ZNF780A: variants seen among roughly 807,000 people sequenced by gnomAD.
ZNF780A encodes zinc finger protein 780A.
ZNF780A carries 40 observed loss-of-function variants against 56.7 expected under a neutral mutation model. That is an observed-to-expected ratio of 0.71 (90% CI 0.55 to 0.92). ZNF780A has a LOEUF of 0.92. Ranked by LOEUF, ZNF780A falls within the 40% of genes least tolerant of loss-of-function variation. ZNF780A has a pLI of 0.00. For missense variants in ZNF780A, 672 were observed against 783.3 expected, an observed-to-expected ratio of 0.86 and a Z score of 1.70; for synonymous variants, 231 against 248.3, an observed-to-expected ratio of 0.93 and a Z score of 0.66.
rs1309727602 is a variant in ZNF780A, at chr19:40,088,194, CAGA to C, written c.-46+1969_-46+1971del. 2.6e-5 allele frequency among the ~76,000 whole-genome samples: 4 copies of C among 151,760 alleles called. No individual in the cohort carries two copies. The East Asian group carries it at 7.7e-4, about 29-fold the overall frequency. On this transcript the variant is annotated intron_variant, in intron 2 of 5. Transcript: ENST00000683561. Reference sequence around the variant, plus strand: ...TATGTCAAGCTAAAAAGCTTCTGCACAGAAAAGGAAACAATCAACAAAGTGAAG... The same window carrying C: ...TATGTCAAGCTAAAAAGCTTCTGCACAAAGGAAACAATCAACAAAGTGAAG...
At chr19:40,069,450 C>T (rs1973745867), downstream of ZNF780A, 1 of 152,168 alleles carries the variant, frequency 6.6e-6, no homozygotes, top group South Asian at 2.1e-4. Flanking sequence ...GACCCAAACA[C>T]CTTCCATTAG....
Position 40,073,648 on chromosome 19 carries a change from T to C in ZNF780A, c.*868A>G, listed in dbSNP as rs1490475984. On this transcript the variant is annotated 3_prime_UTR_variant, in exon 6 of 6. Transcript: ENST00000683561. ...TCTCCGAACTCTAAGGTATTTAGTG[T>C]GGCTATAAAACGCCCCACATTCCTT... 1.0e-5 allele frequency: 10 copies of C among 985,968 alleles called. No homozygotes were observed. The highest frequency in any genetic ancestry group is 1.2e-5 in the Non-Finnish European group (10 of 830,456). 61.1% of individuals were successfully genotyped at this position (985,968 alleles called of 1,614,324 possible).
rs771396997 is a variant in ZNF780A at position 40,075,959 on chromosome 19, T to C, written c.483A>G (p.Thr161=). 1 of 1,613,628 alleles carries C rather than the reference T, an allele frequency of 6.2e-7. No homozygotes were observed. ...HTPHASLICN[T]HKPYECKECG... ...ATTCCTTACATTCATACGGTTTATG[T>C]GTATTGCAAATAAGAGAAGCATGAG... Residue 161 remains threonine, a synonymous_variant, in exon 6 of 6, where the codon ACA becomes ACG. Transcript: ENST00000683561.
rs1974057530 is a variant in ZNF780A, at chr19:40,075,395, A to C, written c.1047T>G (p.Val349=). The C allele has an allele frequency of 5.0e-6, 8 of 1,614,156 alleles. No individual in the cohort carries two copies. In the East Asian group the frequency reaches 1.8e-4, roughly 36 times the overall value. Residue 349 remains valine, a synonymous_variant, in exon 6 of 6, where the codon GTT becomes GTG. Coordinates refer to ENST00000683561, the MANE Select transcript of ZNF780A (RefSeq NM_001142578.2). ...GKAFTLLTKL[V]RHQKIHTGEK... Reference sequence around the variant, plus strand: ...CACCAGTATGAATCTTCTGATGTCGAACAAGCTTTGTCAGAAGAGTAAACG... The same window carrying C: ...CACCAGTATGAATCTTCTGATGTCGCACAAGCTTTGTCAGAAGAGTAAACG...
Position 40,074,672 on chromosome 19 carries a change from A to G in ZNF780A, c.1770T>C (p.Cys590=). The G allele has an allele frequency of 3.7e-6, 6 of 1,613,722 alleles. No homozygotes were observed. Among genetic ancestry groups the G allele is most frequent in the Non-Finnish European group, 5.1e-6 (6 of 1,179,746 alleles). Residue 590 remains cysteine, a synonymous_variant, in exon 6 of 6, where the codon TGT becomes TGC. Transcript: ENST00000683561. ...GCATATGAAGTCGAAAGGCTTTCCC[A>G]CACTCCTTACATTCAAAGGGTTTCT... ...TGEKPFECKE[C]GKAFRLHMQL...
At chr19:40,085,664 G>A (rs1031803545) in intron 2 of ZNF780A, among the ~76,000 whole-genome samples, 9 of 151,944 alleles carry the variant, frequency 5.9e-5, no homozygotes, top group Non-Finnish European at 1.5e-5. Context: ...GGCAGATCAC[G>A]AGGTCAGGAG....
chr19:40,078,483 T>C (rs539647389), intron 5 of ZNF780A, among the ~76,000 whole-genome samples: 1 of 152,268 alleles, frequency 6.6e-6, no homozygotes, highest in East Asian at 1.9e-4. Flanking sequence ...GTCTTCTCCA[T>C]GGCACATTAT....
At chr19:40,089,477 T>G in intron 2 of ZNF780A, 1 of 419,672 alleles carries the variant, frequency 2.4e-6, no homozygotes, top group Non-Finnish European at 4.3e-6. Context: ...TAAAACATAT[T>G]AAACATTATT....
chr19:40,074,100 TAG>T lies in ZNF780A; in HGVS notation c.*414_*415del. 7.9e-7 allele frequency: 1 copy of T among 1,264,106 alleles called. No homozygotes were observed. Among genetic ancestry groups the T allele is most frequent in the South Asian group, 1.8e-5 (1 of 56,046 alleles). The allele number at this position is 1,264,106 out of a possible 1,614,324, so 78.3% of individuals were successfully genotyped here. A position where few individuals can be genotyped will look rare whatever the true frequency, so the allele number is the denominator to read the frequency against. ...AGTTTTCCCACACTCCTTACATTCA[TAG>T]AGTTTCTCACCAGTATGAATACTCT... On this transcript the variant is annotated 3_prime_UTR_variant, in exon 6 of 6. Transcript: ENST00000683561.
In ZNF780A at chr19:40,083,097, C is replaced by T. The variant is rs996772393; in HGVS notation, c.136+14G>A. 2 of 1,614,174 alleles carry T rather than the reference C, an allele frequency of 1.2e-6. No homozygotes were observed. On this transcript the variant is annotated intron_variant, in intron 4 of 5. Coordinates refer to ENST00000683561, the MANE Select transcript of ZNF780A (RefSeq NM_001142578.2). ...AAAATAGATATAAAAATAGCTGGGACTCAACGACCTTACCCAGTGAGATCA... is the reference window on the plus strand; with the variant it reads ...AAAATAGATATAAAAATAGCTGGGATTCAACGACCTTACCCAGTGAGATCA...
chr19:40,081,090 T>C (rs1476457415), intron 5 of ZNF780A, among the ~76,000 whole-genome samples: 1 of 151,466 alleles, frequency 6.6e-6, no homozygotes, highest in Non-Finnish European at 1.5e-5. Flanking sequence ...AATAGACAAA[T>C]GGGACTATAT....
chr19:40,075,148 G>A lies in ZNF780A; in HGVS notation c.1294C>T (p.Leu432Phe), dbSNP rs1974034122. The change falls in exon 6 of 6, where the codon CTT becomes TTT. Residue 432 changes from leucine to phenylalanine, a missense_variant. Leu to Phe is a conservative substitution (Grantham distance 22). Transcript: ENST00000683561. ...CGKGFNRGAH[L>F]IQHQKIHSNE... is the part of the protein sequence containing the mutation. ...GAATGAATTTTCTGATGCTGAATAA[G>A]GTGTGCACCACGATTAAAGCCTTTC... The A allele has an allele frequency of 1.9e-6, 3 of 1,613,884 alleles. No homozygotes were observed. The highest frequency in any genetic ancestry group is 2.5e-6 in the Non-Finnish European group (3 of 1,179,970).
At chr19:40,072,851 C>T, downstream of ZNF780A, 1 of 1,534,982 alleles carries the variant, frequency 6.5e-7, no homozygotes, top group Non-Finnish European at 8.8e-7. Flanking sequence ...ATTTGAGCGC[C>T]TACATTCATA....
chr19:40,084,730 G>A lies in ZNF780A; in HGVS notation c.9+15C>T. 6.4e-7 allele frequency: 1 copy of A among 1,550,852 alleles called. No homozygotes were observed. Among genetic ancestry groups the A allele is most frequent in the Non-Finnish European group, 8.7e-7 (1 of 1,146,880 alleles). The stretch of plus-strand genomic sequence containing the variant: ...GTCACCATATTTCAAGGAAAAGAGA[G>A]AAATACAAACTTACATGGACCATGT... On this transcript the variant is annotated intron_variant, in intron 3 of 5. Coordinates refer to ENST00000683561, the MANE Select transcript of ZNF780A (RefSeq NM_001142578.2).
chr19:40,080,066 G>A (rs1357915401), intron 5 of ZNF780A, among the ~76,000 whole-genome samples: 1 of 151,892 alleles, frequency 6.6e-6, no homozygotes, highest in Non-Finnish European at 1.5e-5. Flanking sequence ...AATAAAAAAA[G>A]GAGATATTAC....
chr19:40,079,337 T>C (rs535493606), intron 5 of ZNF780A, among the ~76,000 whole-genome samples: 62 of 152,190 alleles, frequency 4.1e-4, no homozygotes, highest in African/African-American at 1.3e-3. Flanking sequence ...CACCCAGATA[T>C]ATAAGGTGAA....
chr19:40,089,178 G>C, intron 2 of ZNF780A: 1 of 1,291,014 alleles, frequency 7.7e-7, no homozygotes, highest in South Asian at 2.6e-5. Context: ...GATATTAAGT[G>C]TTCTCACCAC....
In ZNF780A at chr19:40,084,744, C is replaced by T. The variant is rs761139511; in HGVS notation, c.9+1G>A. On this transcript the variant is annotated splice_donor_variant, in intron 3 of 5. Transcript: ENST00000683561. LOFTEE classifies it high-confidence loss of function. ...AGGAAAAGAGAGAAATACAAACTTA[C>T]ATGGACCATGTTGCTAGAATTACAA... is the stretch of plus-strand genomic sequence containing the variant. The T allele has an allele frequency of 6.4e-7, 1 of 1,552,330 alleles. No individual in the cohort carries two copies. Among genetic ancestry groups the T allele is most frequent in the East Asian group, 2.4e-5 (1 of 41,040 alleles).
chr19:40,078,095 T>C (rs1027010266), intron 5 of ZNF780A, among the ~76,000 whole-genome samples: 22 of 151,088 alleles, frequency 1.5e-4, no homozygotes, highest in African/African-American at 4.9e-4. Context: ...ACTTACCAAT[T>C]TCATTATAAA....
Sources: allele counts gnomAD v4.1 joint callset (sites outside exome capture counted in the v4.1 genomes callset), GRCh38; gene constraint gnomAD v4.1.1; transcripts MANE v1.5; gene names NCBI Gene and HGNC (gene_info 2026-07-23, HGNC 2026-07-21).